The following LGSN variants were observed in gnomAD, a reference collection of about 807,000 sequenced individuals.
LGSN encodes the protein lengsin.
In LGSN, 21 loss-of-function variants were observed where a neutral mutation model predicts 19.5. That is an observed-to-expected ratio of 1.07 (90% CI 0.76 to 1.55). LGSN has a LOEUF of 1.55. Ranked by LOEUF, LGSN falls within the 40% of genes most tolerant of loss-of-function variation. The pLI is 0.00. For missense variants in LGSN, 673 were observed against 608.5 expected, an observed-to-expected ratio of 1.11 and a Z score of -1.12; for synonymous variants, 257 against 215.6, an observed-to-expected ratio of 1.19 and a Z score of -1.68.
At chr6:63,511,291 T>G in the LGSN span, among the ~76,000 whole-genome samples, 1 of 151,000 alleles carries the variant, frequency 6.6e-6, no homozygotes, top group Non-Finnish European at 1.5e-5. Flanking sequence ...TTCACTCTTG[T>G]AGCCCAGGCT....
chr6:63,353,592 A>AG, the LGSN span, among the ~76,000 whole-genome samples: 17 of 140,626 alleles, frequency 1.2e-4, no homozygotes, highest in African/African-American at 4.1e-4. Flanking sequence ...TTGTAGCAAA[A>AG]AAAAAAAAAA....
chr6:63,333,250 A>G, the LGSN span, among the ~76,000 whole-genome samples: 1 of 151,944 alleles, frequency 6.6e-6, no homozygotes, highest in East Asian at 1.9e-4. Flanking sequence ...TGCGTTTACA[A>G]TAAGAAGTCT....
the LGSN span, among the ~76,000 whole-genome samples, chr6:63,452,210 G>C: frequency 6.6e-6 from 1 of 152,110 alleles, no homozygotes; most frequent in Non-Finnish European, 1.5e-5. Flanking sequence ...CAAACTGTCT[G>C]AGCCTGGAGT....
chr6:63,331,294 C>T, the LGSN span, among the ~76,000 whole-genome samples: 200 of 152,266 alleles, frequency 1.3e-3, 3 homozygotes, highest in East Asian at 0.031. Flanking sequence ...TATTTCACTC[C>T]ATTTGCCTTC....
At chr6:63,431,974 G>T in the LGSN span, among the ~76,000 whole-genome samples, 1 of 151,758 alleles carries the variant, frequency 6.6e-6, no homozygotes, top group Non-Finnish European at 1.5e-5. Context: ...TACTCGGGAG[G>T]CTGAGGCAGG....
the LGSN span, among the ~76,000 whole-genome samples, chr6:63,369,257 C>G: frequency 6.6e-6 from 1 of 152,128 alleles, no homozygotes; most frequent in Non-Finnish European, 1.5e-5. Context: ...AAATAGATGT[C>G]CATTATGACT....
chr6:63,393,756 G>T, the LGSN span, among the ~76,000 whole-genome samples: 2 of 152,070 alleles, frequency 1.3e-5, no homozygotes, highest in South Asian at 4.1e-4. Context: ...CTTTTCTTCT[G>T]CCTATTAAAC....
intron 3 of LGSN, 56 bp from the exon 4 acceptor site, chr6:63,281,276 G>T: frequency 1.6e-6 from 2 of 1,284,534 alleles, no homozygotes; most frequent in Non-Finnish European, 2.0e-6. Flanking sequence ...AAAGGGTCGG[G>T]GGGCGGCGGG....
chr6:63,497,442 A>C, the LGSN span, among the ~76,000 whole-genome samples: 2 of 152,072 alleles, frequency 1.3e-5, no homozygotes, highest in Non-Finnish European at 2.9e-5. Flanking sequence ...CCCGCTATTC[A>C]GGAGGCTGAG....
chr6:63,324,526 G>A (rs78970347), upstream of LGSN, among the ~76,000 whole-genome samples: 446 of 152,188 alleles, frequency 2.9e-3, 3 homozygotes, highest in African/African-American at 0.01. Flanking sequence ...CACAAAACAA[G>A]TCTAAACAAA....
chr6:63,443,007 C>T, the LGSN span, among the ~76,000 whole-genome samples: 1 of 152,216 alleles, frequency 6.6e-6, no homozygotes, highest in African/African-American at 2.4e-5. Flanking sequence ...GCGGCGGTGC[C>T]CGTCAGGGAG....
chr6:63,560,132 GA>G, the LGSN span, among the ~76,000 whole-genome samples: 1 of 152,096 alleles, frequency 6.6e-6, no homozygotes, highest in East Asian at 2.0e-4. Context: ...CTTGAAAAGT[GA>G]AAAGTACCAG....
At chr6:63,292,488 G>A (rs561998587) in intron 2 of LGSN, among the ~76,000 whole-genome samples, 20 of 152,204 alleles carry the variant, frequency 1.3e-4, no homozygotes, top group African/African-American at 3.9e-4. Context: ...TCTAGGCCAC[G>A]CCAGAAACTC....
chr6:63,412,539 A>AGAGAGAAGAAAGAG, the LGSN span, among the ~76,000 whole-genome samples: 1 of 137,328 alleles, frequency 7.3e-6, no homozygotes, highest in African/African-American at 3.0e-5. Context: ...GGAAAGAAAG[A>AGAGAGAAGAAAGAG]AAGAAAGAAA....
At chr6:63,346,407 G>A in the LGSN span, among the ~76,000 whole-genome samples, 2 of 151,416 alleles carry the variant, frequency 1.3e-5, no homozygotes, top group African/African-American at 4.9e-5. Context: ...GGTTTGGAGA[G>A]CAACTGGACT....
intron 3 of LGSN, among the ~76,000 whole-genome samples, chr6:63,282,804 C>T (rs1329368398): frequency 6.6e-6 from 1 of 151,774 alleles, no homozygotes; most frequent in Non-Finnish European, 1.5e-5. Flanking sequence ...TACACACGCA[C>T]ACACACACAC....
the LGSN span, among the ~76,000 whole-genome samples, chr6:63,444,848 A>G: frequency 6.6e-6 from 1 of 152,166 alleles, no homozygotes; most frequent in Non-Finnish European, 1.5e-5. Flanking sequence ...AAGAACTAGC[A>G]TGCCATGGCT....
the LGSN span, chr6:63,394,908 G>C: frequency 6.5e-6 from 1 of 152,784 alleles, no homozygotes; most frequent in African/African-American, 2.4e-5. Flanking sequence ...TGTGCCTACA[G>C]CTGAGGGTTT....
the LGSN span, among the ~76,000 whole-genome samples, chr6:63,451,099 A>G: frequency 2.0e-5 from 3 of 152,214 alleles, no homozygotes; most frequent in South Asian, 2.1e-4. Context: ...GCTAAATGAA[A>G]AAAAGACAGC....
Sources: gnomAD v4.1 joint callset for allele counts (sites outside exome capture counted in the v4.1 genomes callset) on GRCh38, gnomAD v4.1.1 for gene constraint, MANE v1.5 for transcripts, NCBI Gene and HGNC (gene_info 2026-07-23, HGNC 2026-07-21) for gene names.